OTUD4: variants seen among roughly 807,000 people sequenced by gnomAD.
OTUD4 encodes the protein OTU deubiquitinase 4.
Under a neutral mutation model 130.4 loss-of-function variants are expected in OTUD4, and 24 were observed. The ratio of observed to expected loss-of-function variants is 0.18; its 90% CI spans 0.13 to 0.26. OTUD4 has a LOEUF of 0.26. Ranked by LOEUF, OTUD4 falls within the 10% of genes least tolerant of loss-of-function variation. The pLI is 1.00. For missense variants in OTUD4, 1,031 were observed against 1,329.4 expected (o/e 0.78, Z 3.49); for synonymous variants, 420 against 472.5 (o/e 0.89, Z 1.44).
chr4:145,175,648 G>A (rs1752382083), intron 1 of OTUD4, among the ~76,000 whole-genome samples: 1 of 151,794 alleles, frequency 6.6e-6, no homozygotes, highest in South Asian at 2.1e-4. Flanking sequence ...AGGTTCAAGC[G>A]ATCTTCCTGC....
In OTUD4 at chr4:145,138,021, T is replaced by C. The variant is rs1161751660; in HGVS notation, c.2754A>G (p.Glu918=). ...TTGCTTCAGGGAGAGAATGTACATG[T>C]TCACCCCTGGCTTCTGGAAACTCAT... is the stretch of plus-strand genomic sequence containing the variant. The part of the protein sequence containing the change: ...TVDEFPEARG[E]HVHSLPEASV... The change falls in exon 21 of 21, where the codon GAA becomes GAG. Residue 918 remains glutamate, a synonymous_variant. Coordinates refer to ENST00000447906, the MANE Select transcript of OTUD4 (RefSeq NM_001366057.1). The C allele has an allele frequency of 6.2e-7, 1 of 1,614,070 alleles. No homozygotes were observed. Among genetic ancestry groups the C allele is most frequent in the African/African-American group, 1.3e-5 (1 of 74,936 alleles).
chr4:145,134,475 T>C lies in OTUD4; in HGVS notation c.*2955A>G, dbSNP rs1023107774. 5.2e-6 allele frequency: 2 copies of C among 383,056 alleles called. No homozygotes were observed. Among genetic ancestry groups the C allele is most frequent in the East Asian group, 3.7e-5 (1 of 26,960 alleles). The allele number at this position is 383,056 out of a possible 1,614,324, so 23.7% of individuals were successfully genotyped here. A position where few individuals can be genotyped will look rare whatever the true frequency, so the allele number is the denominator to read the frequency against. On this transcript the variant is annotated 3_prime_UTR_variant, in exon 21 of 21. Coordinates refer to ENST00000447906, the MANE Select transcript of OTUD4 (RefSeq NM_001366057.1). ...CAGAAATGGTTAGAAAGGAACTTTATTGCACCAAGTCAATCATAAGCAAGT... is the reference window on the plus strand; with the variant it reads ...CAGAAATGGTTAGAAAGGAACTTTACTGCACCAAGTCAATCATAAGCAAGT...
At chr4:145,167,147 T>A (rs1031010983) in intron 3 of OTUD4, among the ~76,000 whole-genome samples, 22 of 152,204 alleles carry the variant, frequency 1.4e-4, no homozygotes, top group Admixed American at 1.3e-4. Context: ...ACTTTTACCG[T>A]AAGAATATTT....
chr4:145,179,571 C>CTCAT, intron 1 of OTUD4: 1 of 1,339,208 alleles, frequency 7.5e-7, no homozygotes, highest in South Asian at 1.6e-5. Flanking sequence ...TTGTCCTCAA[C>CTCAT]TCATTACCTC....
Position 145,137,327 on chromosome 4 carries a change from GAA to G in OTUD4, c.*101_*102del. ...TGAAGGTAAGGGGGGCTGGGGAGAG[GAA>G]AGAGTTCCAACTGCGGTTTTTACTT... On this transcript the variant is annotated 3_prime_UTR_variant, in exon 21 of 21. Coordinates refer to ENST00000447906, the MANE Select transcript of OTUD4 (RefSeq NM_001366057.1). 1.0e-6 allele frequency: 1 copy of G among 957,182 alleles called. No homozygotes were observed. Among genetic ancestry groups the G allele is most frequent in the Admixed American group, 2.2e-5 (1 of 44,606 alleles). The allele number at this position is 957,182 out of a possible 1,614,324, so 59.3% of individuals were successfully genotyped here.
chr4:145,146,023 T>TA (rs1750803829), intron 14 of OTUD4: 1 of 292,534 alleles, frequency 3.4e-6, no homozygotes, highest in South Asian at 1.5e-4. Context: ...CACGAAACAC[T>TA]ACAAGTGAAC....
Position 145,133,932 on chromosome 4 carries a change from A to G in OTUD4, c.*3498T>C, listed in dbSNP as rs1750120404. On this transcript the variant is annotated 3_prime_UTR_variant, in exon 21 of 21. Transcript: ENST00000447906. ...AATGATCACATCTTCACATGCTCTTAAAGTATTATTTGTACTCAGTGTAAG... is the reference window on the plus strand; with the variant it reads ...AATGATCACATCTTCACATGCTCTTGAAGTATTATTTGTACTCAGTGTAAG... The G allele has an allele frequency of 6.6e-6, 1 of 152,668 alleles. No homozygotes were observed. The highest frequency in any genetic ancestry group is 2.1e-4 in the South Asian group (1 of 4,832). 9.5% of individuals were successfully genotyped at this position (152,668 alleles called of 1,614,324 possible). A position where few individuals can be genotyped will look rare whatever the true frequency, so the allele number is the denominator to read the frequency against.
rs2126734762 is a variant in OTUD4, at chr4:145,138,483, A to G, written c.2292T>C (p.Thr764=). ...CAGTCTGCATAGGAAAGTGGGCATCAGTACAGGTACAATCACTTTCATTCT... is the reference window on the plus strand; with the variant it reads ...CAGTCTGCATAGGAAAGTGGGCATCGGTACAGGTACAATCACTTTCATTCT... ...AAQNESDCTC[T]DAHFPMQTEA... is the part of the protein sequence containing the mutation. Residue 764 remains threonine, a synonymous_variant, in exon 21 of 21, where the codon ACT becomes ACC. Coordinates refer to ENST00000447906, the MANE Select transcript of OTUD4 (RefSeq NM_001366057.1). The G allele has an allele frequency of 6.2e-7, 1 of 1,613,998 alleles. No homozygotes were observed. The highest frequency in any genetic ancestry group is 8.5e-7 in the Non-Finnish European group (1 of 1,179,866).
chr4:145,153,718 A>G (rs914017798), intron 10 of OTUD4, among the ~76,000 whole-genome samples: 2 of 152,244 alleles, frequency 1.3e-5, no homozygotes. Context: ...CCTGCCAAGT[A>G]CAACATACAG....
At chr4:145,168,413 T>TAAAAAAAAAAATTAA (rs1751984008) in intron 3 of OTUD4, among the ~76,000 whole-genome samples, 1 of 122,874 alleles carries the variant, frequency 8.1e-6, no homozygotes, top group Non-Finnish European at 1.7e-5. Context: ...AATAAAAAAT[T>TAAAAAAAAAAATTAA]AAAAAAAAAA....
chr4:145,170,494 T>G (rs1752103547), intron 3 of OTUD4, among the ~76,000 whole-genome samples: 1 of 152,250 alleles, frequency 6.6e-6, no homozygotes, highest in Non-Finnish European at 1.5e-5. Flanking sequence ...AGTGTTGCTT[T>G]GTCTACCCAG....
chr4:145,173,127 C>T lies in OTUD4; in HGVS notation c.244-1407G>A, dbSNP rs148409905. 2.1e-4 allele frequency among the ~76,000 whole-genome samples: 32 copies of T among 152,350 alleles called. No individual in the cohort carries two copies. The East Asian group carries it at 6.2e-3, about 29-fold the overall frequency. Reference sequence around the variant, plus strand: ...TGGACTAAGGCCAGGCACGGTGGCTCACGCCTGTAATCCCAGCACTTTGGG... The same window carrying T: ...TGGACTAAGGCCAGGCACGGTGGCTTACGCCTGTAATCCCAGCACTTTGGG... On this transcript the variant is annotated intron_variant, in intron 2 of 20. Transcript: ENST00000447906.
intron 2 of OTUD4, among the ~76,000 whole-genome samples, chr4:145,171,956 A>G (rs761431448): frequency 3.3e-5 from 5 of 152,250 alleles, no homozygotes; most frequent in Non-Finnish European, 5.9e-5. Flanking sequence ...GGTTTCCTGA[A>G]AGAAGAGTGA....
chr4:145,141,353 G>A (rs751574269), intron 19 of OTUD4, 26 bp downstream of exon 19: 9 of 1,548,666 alleles, frequency 5.8e-6, no homozygotes, highest in Admixed American at 2.0e-5. Flanking sequence ...TGATAAAGTC[G>A]ATTTGAACTT....
rs775258168 is a variant in OTUD4, at chr4:145,144,323, G to C, written c.1534C>G (p.Arg512Gly). The change falls in exon 15 of 21, where the codon CGA becomes GGA. Residue 512 changes from arginine (R) to glycine (G), a missense_variant. Coordinates refer to ENST00000447906, the MANE Select transcript of OTUD4 (RefSeq NM_001366057.1). ...TGAGATAACTTACCTTTGTCTTTTC[G>C]TTCTTCTGTATCCATTCTCCGCCTG... ...GSRRRMDTEE[R>G]KDKDSIHGHS... The C allele has an allele frequency of 2.5e-6, 4 of 1,610,844 alleles. No homozygotes were observed. The highest frequency in any genetic ancestry group is 1.7e-4 in the Middle Eastern group (1 of 6,018).
At position 145,170,579 on chromosome 4, in the gene OTUD4, T is replaced by C. The variant is rs558097908; in HGVS notation, c.294+1091A>G. 3.3e-5 allele frequency among the ~76,000 whole-genome samples: 5 copies of C among 152,350 alleles called. No individual in the cohort carries two copies. The East Asian group carries it at 9.6e-4, about 29-fold the overall frequency. On this transcript the variant is annotated intron_variant, in intron 3 of 20. Transcript: ENST00000447906. ...GTGACAAATCTCCTTTTCTAGCTTG[T>C]ATTGACCTTCTTTCCTATGATAGGG...
intron 13 of OTUD4, 73 bp downstream of exon 13, chr4:145,150,440 G>T: frequency 1.0e-6 from 1 of 990,016 alleles, no homozygotes; most frequent in Non-Finnish European, 1.5e-6. Context: ...TTATTCAAAT[G>T]CACATAATGT....
chr4:145,158,041 G>A (rs375879751), intron 7 of OTUD4, among the ~76,000 whole-genome samples: 7 of 152,308 alleles, frequency 4.6e-5, no homozygotes, highest in East Asian at 3.9e-4. Context: ...AGAGAGAACC[G>A]TAAAGCAAAA....
chr4:145,144,164 G>T, intron 15 of OTUD4, 147 bp downstream of exon 15: 1 of 1,036,532 alleles, frequency 9.6e-7, no homozygotes, highest in Non-Finnish European at 1.4e-6. Flanking sequence ...TTTAGCTTGA[G>T]TCAATACTTC....
Sources: gnomAD v4.1 joint callset for allele counts (sites outside exome capture counted in the v4.1 genomes callset) on GRCh38, gnomAD v4.1.1 for gene constraint, MANE v1.5 for transcripts, NCBI Gene and HGNC (gene_info 2026-07-23, HGNC 2026-07-21) for gene names.